Variants in POMGNT1 observed in about 807,000 individuals in gnomAD.
The protein encoded by POMGNT1 is protein O-linked mannose N-acetylglucosaminyltransferase 1 (beta 1,2-), also known as protein O-linked-mannose beta-1,2-N-acetylglucosaminyltransferase 1.
A neutral mutation model predicts 95.6 loss-of-function variants in POMGNT1; 67 were observed. The ratio of observed to expected loss-of-function variants is 0.70; its 90% CI spans 0.58 to 0.86. The LOEUF (loss-of-function observed/expected upper bound fraction) is 0.86, where lower values mean the gene tolerates loss of function less well. POMGNT1 is among the 40% of genes least tolerant of loss of function. The pLI is 0.00. For synonymous variants in POMGNT1, 298 were observed against 317.9 expected, an observed-to-expected ratio of 0.94 and a Z score of 0.66; for missense variants, 719 against 855.2, an observed-to-expected ratio of 0.84 and a Z score of 1.99.
At position 46,193,317 on chromosome 1, in the gene POMGNT1, G is replaced by C; in HGVS notation, c.1098C>G (p.Ala366=). ...IQHTPISIKN[A]RVSQHYKASL... ...GCCTATGCAGTACCTGAGACACGCG[G>C]GCATTCTTGATGCTGATGGGAGTAT... The change falls in exon 12 of 22, where the codon GCC becomes GCG. Residue 366 remains alanine, a synonymous_variant. Transcript: ENST00000371984. The C allele has an allele frequency of 6.2e-7, 1 of 1,613,772 alleles. No individual in the cohort carries two copies. The highest frequency in any genetic ancestry group is 8.5e-7 in the Non-Finnish European group (1 of 1,179,890).
At chr1:46,212,013 C>T (rs1286891722) in intron 1 of POMGNT1, among the ~76,000 whole-genome samples, 7 of 152,098 alleles carry the variant, frequency 4.6e-5, no homozygotes, top group Admixed American at 2.6e-4. Flanking sequence ...CTTCCCACCT[C>T]GACCTCCCAA....
intron 9 of POMGNT1, 79 bp downstream of exon 9, chr1:46,194,195 C>T: frequency 3.1e-6 from 5 of 1,611,520 alleles, no homozygotes; most frequent in Non-Finnish European, 4.2e-6. Flanking sequence ...GTAGGGAAAG[C>T]CCAACCTAGA....
At chr1:46,208,521 A>C (rs1658790814) in intron 1 of POMGNT1, among the ~76,000 whole-genome samples, 1 of 152,180 alleles carries the variant, frequency 6.6e-6, no homozygotes, top group Non-Finnish European at 1.5e-5. Context: ...TGAAGAATGA[A>C]TAAAGTCAGT....
At position 46,189,496 on chromosome 1, in the gene POMGNT1, GTTC is replaced by G. The variant is rs1435566919; in HGVS notation, c.1854_1856del (p.Lys618del). 4 of 1,613,676 alleles carry G rather than the reference GTTC, an allele frequency of 2.5e-6. No homozygotes were observed. The Admixed American group carries it at 5.0e-5, about 20-fold the overall frequency. ...CCGGGACCCCCACCATCAGGAAGTG[GTTC>G]TTCTTCCGAAACAATCTCCACAGGC... is the stretch of plus-strand genomic sequence containing the variant. On this transcript the variant is annotated inframe_deletion, in exon 21 of 22. Coordinates refer to ENST00000371984, the MANE Select transcript of POMGNT1 (RefSeq NM_017739.4).
chr1:46,205,180 C>T (rs754405931), intron 1 of POMGNT1, among the ~76,000 whole-genome samples: 1 of 152,032 alleles, frequency 6.6e-6, no homozygotes, highest in Non-Finnish European at 1.5e-5. Flanking sequence ...ATCACTTGAG[C>T]CCAGGAAGAG....
Position 46,196,766 on chromosome 1 carries a change from G to A in POMGNT1, c.319C>T (p.Arg107Cys), listed in dbSNP as rs375420073. The change falls in exon 4 of 22, where the codon CGC becomes TGC. Residue 107 changes from arginine (R) to cysteine (C), a missense_variant. Coordinates refer to ENST00000371984, the MANE Select transcript of POMGNT1 (RefSeq NM_017739.4). This position sits in a 1 kb window ranked among gnomAD's most constrained non-coding sequence, Gnocchi z 4.4. ...RVLDVEVYSS[R>C]SKVYVAVDGT... ...TCCACTGCCACATATACTTTGCTGC[G>A]ACTTGAATACACCTCTACGTCCAGG... 13 of 1,614,074 alleles carry A rather than the reference G, an allele frequency of 8.1e-6. No individual in the cohort carries two copies. Among genetic ancestry groups the A allele is most frequent in the African/African-American group, 1.3e-5 (1 of 74,920 alleles).
intron 14 of POMGNT1, 106 bp from the exon 15 acceptor site, chr1:46,192,696 G>T: frequency 6.2e-7 from 1 of 1,600,124 alleles, no homozygotes. Context: ...CTCCTTCCTG[G>T]AGTACCTCCT....
chr1:46,188,883 C>G lies in POMGNT1; in HGVS notation c.*387G>C, dbSNP rs1657520230. 1.9e-6 allele frequency: 3 copies of G among 1,612,846 alleles called. No individual in the cohort carries two copies. The highest frequency in any genetic ancestry group is 2.5e-6 in the Non-Finnish European group (3 of 1,179,878). ...GTAAGAGCCAGCCCCACCCTCAGGG[C>G]AGCATTCCAGCCCAAAAAGAAATCC... On this transcript the variant is annotated 3_prime_UTR_variant, in exon 22 of 22. Coordinates refer to ENST00000371984, the MANE Select transcript of POMGNT1 (RefSeq NM_017739.4).
At chr1:46,201,131 A>C (rs949736360), upstream of POMGNT1, among the ~76,000 whole-genome samples, 11 of 149,384 alleles carry the variant, frequency 7.4e-5, no homozygotes, top group Non-Finnish European at 1.6e-4. Context: ...ACTCTGTCTC[A>C]AAAAAAAAAG....
intron 1 of POMGNT1, among the ~76,000 whole-genome samples, chr1:46,214,031 A>G (rs1658983965): frequency 6.6e-6 from 1 of 152,080 alleles, no homozygotes; most frequent in Non-Finnish European, 1.5e-5. Context: ...GACCCTCTAT[A>G]TAGACCTAAA....
intron 1 of POMGNT1, among the ~76,000 whole-genome samples, chr1:46,210,418 T>G (rs1007794308): frequency 6.6e-6 from 1 of 152,180 alleles, no homozygotes; most frequent in Non-Finnish European, 1.5e-5. Context: ...TAATTTAATT[T>G]CAACTCTGTC....
intron 17 of POMGNT1, chr1:46,191,030 A>G: frequency 2.1e-6 from 1 of 477,424 alleles, no homozygotes; most frequent in South Asian, 1.9e-5. Context: ...TGCACCACAG[A>G]CCCATGAACT....
At chr1:46,195,345 G>A (rs1000168804) in intron 6 of POMGNT1, 6 of 376,670 alleles carry the variant, frequency 1.6e-5, no homozygotes, top group Admixed American at 1.6e-4. Flanking sequence ...CACCTGGAAT[G>A]CTCTTCCTCC....
Position 46,203,466 on chromosome 1 carries a change from G to T in POMGNT1, c.-50-5595C>A. The T allele has an allele frequency of 6.6e-7, 1 of 1,510,432 alleles. No individual in the cohort carries two copies. The highest frequency in any genetic ancestry group is 8.9e-7 in the Non-Finnish European group (1 of 1,129,764). The allele number at this position is 1,510,432 out of a possible 1,614,324, so 93.6% of individuals were successfully genotyped here. On this transcript the variant is annotated intron_variant, in intron 1 of 22. Transcript: ENST00000371992. ...GGAGTCCCAGACGCCTGACCTGCGG[G>T]ATGTGGAGGGTAAGGTGGGCAGGAA...
Position 46,198,165 on chromosome 1 carries a change from C to T in POMGNT1, c.-51+171G>A, listed in dbSNP as rs1371798292. On this transcript the variant is annotated intron_variant, in intron 1 of 21. Coordinates refer to ENST00000371984, the MANE Select transcript of POMGNT1 (RefSeq NM_017739.4). ...TACAAGGACCAAGTTCCAGGCCTTC[C>T]CAAGCCTGTGGTGAGCAAAGAGCGA... 5 of 331,726 alleles carry T rather than the reference C, an allele frequency of 1.5e-5. No individual in the cohort carries two copies. In the East Asian group the frequency reaches 2.2e-4, roughly 14 times the overall value. The allele number at this position is 331,726 out of a possible 1,614,324, so 20.5% of individuals were successfully genotyped here. A position where few individuals can be genotyped will look rare whatever the true frequency, so the allele number is the denominator to read the frequency against.
intron 1 of POMGNT1, among the ~76,000 whole-genome samples, chr1:46,213,059 C>G (rs1658952623): frequency 6.6e-6 from 1 of 152,032 alleles, no homozygotes; most frequent in African/African-American, 2.4e-5. Context: ...ACATTTTGAT[C>G]AATGATAGAC....
At chr1:46,210,747 T>C (rs991338873) in intron 1 of POMGNT1, among the ~76,000 whole-genome samples, 3 of 152,164 alleles carry the variant, frequency 2.0e-5, no homozygotes, top group African/African-American at 4.8e-5. Flanking sequence ...GTTCAGCTAC[T>C]TGGACGCTCT....
chr1:46,204,769 C>G (rs555883996), intron 1 of POMGNT1, among the ~76,000 whole-genome samples: 1 of 152,142 alleles, frequency 6.6e-6, no homozygotes, highest in African/African-American at 2.4e-5. Context: ...TGTGACTGTA[C>G]CCACCTAAGC....
Position 46,196,372 on chromosome 1 carries a change from A to G in POMGNT1, c.355-295T>C, listed in dbSNP as rs1469585858. ...GTATCACAATCCTCCACCACACTGA[A>G]CCCCTCAAGGTAGGGCCAGGTCTGA... On this transcript the variant is annotated intron_variant, in intron 4 of 21. Coordinates refer to ENST00000371984, the MANE Select transcript of POMGNT1 (RefSeq NM_017739.4). This position sits in a 1 kb window ranked among gnomAD's most constrained non-coding sequence, Gnocchi z 4.4. Among the ~76,000 whole-genome samples the G allele has an allele frequency of 6.6e-6, 1 of 151,970 alleles. No homozygotes were observed. Among genetic ancestry groups the G allele is most frequent in the Non-Finnish European group, 1.5e-5 (1 of 67,994 alleles).
Sources: gnomAD v4.1 joint callset for allele counts (sites outside exome capture counted in the v4.1 genomes callset) on GRCh38, gnomAD v4.1.1 for gene constraint, Gnocchi (gnomAD v3.1) non-coding constraint, MANE v1.5 for transcripts, NCBI Gene and HGNC (gene_info 2026-07-23, HGNC 2026-07-21) for gene names.